The following LRFN5 variants were observed in gnomAD, a reference collection of about 807,000 sequenced individuals.
LRFN5 encodes leucine-rich repeat and fibronectin type-III domain-containing protein 5.
LRFN5 carries 24 observed loss-of-function variants against 45.6 expected under a neutral mutation model. The observed-to-expected ratio is 0.53, with a 90% CI of 0.38 to 0.74. The LOEUF is 0.74. Among genes scored for constraint, LRFN5 ranks in the 30% least tolerant of loss-of-function variants. LRFN5 has a pLI of 0.00. For synonymous variants in LRFN5, 340 were observed against 313.8 expected, an observed-to-expected ratio of 1.08 and a Z score of -0.88; for missense variants, 776 against 861.5, an observed-to-expected ratio of 0.90 and a Z score of 1.24.
chr14:41,736,816 C>T (rs534160958), intron 1 of LRFN5, among the ~76,000 whole-genome samples: 1 of 152,228 alleles, frequency 6.6e-6, no homozygotes, highest in Non-Finnish European at 1.5e-5. Context: ...AGTCAAATCC[C>T]TGAATAGACC....
At chr14:41,674,478 G>C (rs1187178906) in intron 1 of LRFN5, among the ~76,000 whole-genome samples, 4 of 128,670 alleles carry the variant, frequency 3.1e-5, no homozygotes, top group Non-Finnish European at 6.7e-5. Flanking sequence ...CTCACCTCCC[G>C]GACGGGGTGG....
chr14:41,828,413 C>A (rs1888367944), intron 2 of LRFN5, among the ~76,000 whole-genome samples: 1 of 151,978 alleles, frequency 6.6e-6, no homozygotes. Context: ...GCATTCTTCA[C>A]AACTTCTACC....
intron 1 of LRFN5, among the ~76,000 whole-genome samples, chr14:41,720,944 T>G (rs574768151): frequency 5.1e-4 from 78 of 152,214 alleles, no homozygotes; most frequent in Middle Eastern, 3.4e-3. Flanking sequence ...TTGTTAGTTT[T>G]CAGCATCAAT....
intron 2 of LRFN5, among the ~76,000 whole-genome samples, chr14:41,845,283 A>C (rs1279468865): frequency 6.6e-6 from 1 of 152,162 alleles, no homozygotes; most frequent in African/African-American, 2.4e-5. Flanking sequence ...AAAAGGAGGC[A>C]ACCAGACAGC....
chr14:41,799,170 A>G (rs1400342736), intron 2 of LRFN5, among the ~76,000 whole-genome samples: 2 of 152,036 alleles, frequency 1.3e-5, no homozygotes, highest in Non-Finnish European at 2.9e-5. Context: ...AAGTGCATAA[A>G]TTGCTGGTTG....
chr14:41,655,778 A>T (rs1312393120), intron 1 of LRFN5, among the ~76,000 whole-genome samples: 1 of 151,968 alleles, frequency 6.6e-6, no homozygotes, highest in African/African-American at 2.4e-5. Flanking sequence ...AGACCACAAG[A>T]TTTGTGGATG....
intron 1 of LRFN5, among the ~76,000 whole-genome samples, chr14:41,622,500 CTTAT>C (rs1234125304): frequency 1.3e-5 from 2 of 151,820 alleles, no homozygotes; most frequent in Admixed American, 6.6e-5. Flanking sequence ...TTCAAATAAG[CTTAT>C]TTATTTTTAT....
chr14:41,735,478 C>G (rs1884385394), intron 1 of LRFN5, among the ~76,000 whole-genome samples: 1 of 152,098 alleles, frequency 6.6e-6, no homozygotes, highest in Non-Finnish European at 1.5e-5. Context: ...CCCTATGTTG[C>G]TCAGGCTGGT....
intron 2 of LRFN5, among the ~76,000 whole-genome samples, chr14:41,817,830 A>G (rs1299179941): frequency 6.6e-6 from 1 of 152,090 alleles, no homozygotes; most frequent in Admixed American, 6.6e-5. Flanking sequence ...TAACTCTCAA[A>G]CTTCATGCTG....
intron 2 of LRFN5, among the ~76,000 whole-genome samples, chr14:41,832,797 T>C (rs898830521): frequency 6.6e-6 from 1 of 152,208 alleles, no homozygotes; most frequent in Non-Finnish European, 1.5e-5. Context: ...TACTTTTCTC[T>C]TGTGTGAGCT....
At chr14:41,743,481 C>A (rs932854213) in intron 1 of LRFN5, among the ~76,000 whole-genome samples, 13 of 151,968 alleles carry the variant, frequency 8.6e-5, no homozygotes, top group Non-Finnish European at 1.3e-4. Flanking sequence ...AAAAATAAAA[C>A]AGTTTATCTC....
intron 2 of LRFN5, among the ~76,000 whole-genome samples, chr14:41,767,715 A>G (rs1390667135): frequency 6.6e-6 from 1 of 152,220 alleles, no homozygotes; most frequent in Middle Eastern, 3.2e-3. Flanking sequence ...ACCACCACAA[A>G]ACAAATTCCC....
intron 2 of LRFN5, among the ~76,000 whole-genome samples, chr14:41,808,212 A>T (rs899600892): frequency 2.3e-4 from 33 of 142,128 alleles, no homozygotes; most frequent in Admixed American, 9.8e-4. Context: ...GGAAGGAAGG[A>T]AGGAAGGAAG....
At chr14:41,795,840 G>T (rs7157839) in intron 2 of LRFN5, among the ~76,000 whole-genome samples, 98,783 of 151,402 alleles carry the variant, frequency 0.65, 32,661 homozygotes, top group East Asian at 0.92. Context: ...ACGAGTTAAT[G>T]GGTGCAGCAC....
intron 1 of LRFN5, among the ~76,000 whole-genome samples, chr14:41,725,956 G>A (rs558559483): frequency 6.6e-6 from 1 of 152,240 alleles, no homozygotes; most frequent in South Asian, 2.1e-4. Flanking sequence ...TCCTAAACAG[G>A]AAATTATGAT....
intron 1 of LRFN5, among the ~76,000 whole-genome samples, chr14:41,721,682 T>C (rs986327335): frequency 1.3e-5 from 2 of 152,208 alleles, no homozygotes; most frequent in South Asian, 2.1e-4. Flanking sequence ...TTAAGAATGC[T>C]GAAAAAAGGC....
chr14:41,841,206 T>G (rs1365961702), intron 2 of LRFN5, among the ~76,000 whole-genome samples: 1 of 151,956 alleles, frequency 6.6e-6, no homozygotes, highest in Non-Finnish European at 1.5e-5. Context: ...TTAATAATTT[T>G]TACAGGCAAT....
At chr14:41,730,607 C>A (rs1029315413) in intron 1 of LRFN5, among the ~76,000 whole-genome samples, 4 of 151,770 alleles carry the variant, frequency 2.6e-5, no homozygotes, top group Admixed American at 2.0e-4. Context: ...CAGTTTTGTA[C>A]GTTAACACAT....
At chr14:41,720,505 G>A (rs1406869368) in intron 1 of LRFN5, among the ~76,000 whole-genome samples, 1 of 152,000 alleles carries the variant, frequency 6.6e-6, no homozygotes, top group African/African-American at 2.4e-5. Context: ...CTAACTTTTT[G>A]ATATAGGTGT....
Sources: allele counts gnomAD v4.1 joint callset (sites outside exome capture counted in the v4.1 genomes callset), GRCh38; gene constraint gnomAD v4.1.1; transcripts MANE v1.5; gene names NCBI Gene and HGNC (gene_info 2026-07-23, HGNC 2026-07-21).